ODR4: variants seen among roughly 807,000 people sequenced by gnomAD.
ODR4 encodes odr-4 GPCR localization factor homolog, also known as protein odr-4 homolog.
A neutral mutation model predicts 60.2 loss-of-function variants in ODR4; 47 were observed. The ratio of observed to expected loss-of-function variants is 0.78; its 90% CI spans 0.62 to 1.00. ODR4 has a LOEUF of 1.00. Ranked by LOEUF, ODR4 falls within the 50% of genes least tolerant of loss-of-function variation. The pLI, the probability that ODR4 is intolerant of heterozygous loss-of-function variation, is 0.00. For missense variants in ODR4, 488 were observed against 530.8 expected (o/e 0.92, Z 0.79); for synonymous variants, 178 against 175.5 (o/e 1.01, Z -0.11).
chr1:186,383,362 CTAAAT>C (rs1275621538), intron 3 of ODR4, among the ~76,000 whole-genome samples: 1 of 151,758 alleles, frequency 6.6e-6, no homozygotes. Flanking sequence ...GGAATAATGA[CTAAAT>C]TAATTCACTT....
downstream of ODR4, among the ~76,000 whole-genome samples, chr1:186,425,716 G>A (rs549634370): frequency 6.6e-6 from 1 of 152,106 alleles, no homozygotes; most frequent in East Asian, 1.9e-4. Context: ...TGAGGCACTG[G>A]CTTAAATATT....
At chr1:186,423,206 C>T (rs186699888), downstream of ODR4, among the ~76,000 whole-genome samples, 1 of 152,080 alleles carries the variant, frequency 6.6e-6, no homozygotes, top group African/African-American at 2.4e-5. Flanking sequence ...CAAGCTCTTT[C>T]AAAAATAGCT....
chr1:186,402,187 A>ATTTCTTTCTTTCTTTCTTTCTTTCT (rs369476087), intron 11 of ODR4, among the ~76,000 whole-genome samples: 6 of 135,424 alleles, frequency 4.4e-5, no homozygotes, highest in African/African-American at 1.7e-4. Context: ...TAGGCATCCT[A>ATTTCTTTCTTTCTTTCTTTCTTTCT]TTCTTTCTTT....
chr1:186,378,052 A>C (rs201113689), intron 1 of ODR4, among the ~76,000 whole-genome samples: 6 of 21,392 alleles, frequency 2.8e-4, no homozygotes, highest in Non-Finnish European at 6.0e-4. Context: ...CTCAAAAAAC[A>C]AAAAAAAAAA....
chr1:186,388,654 G>C, intron 5 of ODR4, 106 bp downstream of exon 5: 1 of 593,260 alleles, frequency 1.7e-6, no homozygotes, highest in Non-Finnish European at 2.8e-6. Flanking sequence ...AATAGGCATA[G>C]TTTTGTAAGA....
At chr1:186,408,236 GTTTGGTT>G (rs919688414) in intron 12 of ODR4, among the ~76,000 whole-genome samples, 4 of 151,320 alleles carry the variant, frequency 2.6e-5, no homozygotes, top group African/African-American at 7.4e-5. Flanking sequence ...AACTTAGGCA[GTTTGGTT>G]TTAGGGTCTG....
chr1:186,429,929 T>A, the ODR4 span, among the ~76,000 whole-genome samples: 1 of 152,168 alleles, frequency 6.6e-6, no homozygotes, highest in Non-Finnish European at 1.5e-5. Context: ...TATTAAAAGG[T>A]AAATTAATAT....
At chr1:186,406,487 A>T (rs1365888890) in intron 12 of ODR4, among the ~76,000 whole-genome samples, 2 of 152,190 alleles carry the variant, frequency 1.3e-5, no homozygotes, top group Non-Finnish European at 2.9e-5. Flanking sequence ...AATTTAAGAT[A>T]CTAAGGTATT....
In ODR4 at chr1:186,383,875, T is replaced by TA. The variant is rs571692321; in HGVS notation, c.234+724dup. ...CAACATGGTGAAACCCCGTCTCTAG[T>TA]AAAAATATGAAAAACTAGCCAGGTG... On this transcript the variant is annotated intron_variant, in intron 3 of 13. Transcript: ENST00000287859. Among the ~76,000 whole-genome samples the TA allele has an allele frequency of 4.5e-4, 69 of 151,934 alleles. 3 individuals carry two copies. The South Asian group carries it at 0.014, about 31-fold the overall frequency.
At chr1:186,411,093 A>T (rs1661366592) in intron 12 of ODR4, among the ~76,000 whole-genome samples, 1 of 152,096 alleles carries the variant, frequency 6.6e-6, no homozygotes, top group African/African-American at 2.4e-5. Flanking sequence ...TAATCTGAAA[A>T]TCTAAAATCT....
intron 2 of ODR4, among the ~76,000 whole-genome samples, chr1:186,381,332 C>CTTTTTTTTTTTTTTTTTTTTTTTT (rs752239468): frequency 6.9e-6 from 1 of 144,600 alleles, no homozygotes; most frequent in African/African-American, 2.5e-5. Context: ...GGCCTTCCTT[C>CTTTTTTTTTTTTTTTTTTTTTTTT]TTTTTTTTTT....
chr1:186,388,421 G>A (rs760036811), intron 4 of ODR4, 21 bp from the exon 5 acceptor site: 25 of 1,338,778 alleles, frequency 1.9e-5, no homozygotes, highest in East Asian at 1.8e-4. Flanking sequence ...TTCAATTAGT[G>A]TGTATTTTTC....
intron 9 of ODR4, 53 bp downstream of exon 9, chr1:186,394,068 A>G: frequency 9.9e-7 from 1 of 1,014,286 alleles, no homozygotes; most frequent in South Asian, 1.6e-5. Context: ...CCATAATGAA[A>G]CTGTTTCTGT....
rs189500395 is a variant in ODR4 at position 186,416,469 on chromosome 1, G to A, written c.1187-1075G>A. The stretch of plus-strand genomic sequence containing the variant: ...GGCAGATTACCTGATGTCAGGAGTT[G>A]GGGACCAGCCTGGCCAACATGGCAA... On this transcript the variant is annotated intron_variant, in intron 12 of 13. Coordinates refer to ENST00000287859, the MANE Select transcript of ODR4 (RefSeq NM_017847.6). Among the ~76,000 whole-genome samples, 3 of 151,898 alleles carry A rather than the reference G, an allele frequency of 2.0e-5. No individual in the cohort carries two copies. In the East Asian group the frequency reaches 5.8e-4, roughly 30 times the overall value.
At chr1:186,418,771 T>C (rs928148771) in intron 13 of ODR4, among the ~76,000 whole-genome samples, 2 of 152,210 alleles carry the variant, frequency 1.3e-5, no homozygotes, top group African/African-American at 4.8e-5. Context: ...TCAGTGCACA[T>C]GTGTGCAAGA....
At chr1:186,412,122 A>G (rs933168851) in intron 12 of ODR4, among the ~76,000 whole-genome samples, 6 of 152,176 alleles carry the variant, frequency 3.9e-5, no homozygotes, top group Non-Finnish European at 8.8e-5. Flanking sequence ...CAGATAAAAT[A>G]TGTAGTCCTG....
At chr1:186,421,809 A>G (rs1399931917), downstream of ODR4, among the ~76,000 whole-genome samples, 1 of 147,872 alleles carries the variant, frequency 6.8e-6, no homozygotes, top group African/African-American at 2.5e-5. Context: ...GGTTGCAGTG[A>G]GGAGATTGCA....
intron 12 of ODR4, chr1:186,411,887 A>G (rs1661394714): frequency 1.1e-6 from 1 of 949,164 alleles, no homozygotes. Flanking sequence ...CAATTTGGAA[A>G]GTTTAGGTGT....
In ODR4 at chr1:186,418,917, C is replaced by T; in HGVS notation, c.1298-92C>T. 3 of 1,032,916 alleles carry T rather than the reference C, an allele frequency of 2.9e-6. No homozygotes were observed. In the South Asian group the frequency reaches 4.1e-5, roughly 14 times the overall value. The allele number at this position is 1,032,916 out of a possible 1,614,324, so 64.0% of individuals were successfully genotyped here. ...GTGTTTGTGTATTGTTTTTTAGGCC[C>T]ATCAGTTACCCACATTTCAGAGCCT... On this transcript the variant is annotated intron_variant, in intron 13 of 13. Coordinates refer to ENST00000287859, the MANE Select transcript of ODR4 (RefSeq NM_017847.6).
Sources: gnomAD v4.1 joint callset for allele counts (sites outside exome capture counted in the v4.1 genomes callset) on GRCh38, gnomAD v4.1.1 for gene constraint, MANE v1.5 for transcripts, NCBI Gene and HGNC (gene_info 2026-07-23, HGNC 2026-07-21) for gene names.